The following SLC43A2 variants were observed in gnomAD, a reference collection of about 807,000 sequenced individuals.
SLC43A2 encodes large neutral amino acids transporter small subunit 4.
Under a neutral mutation model 63.2 loss-of-function variants are expected in SLC43A2, and 38 were observed. That is an observed-to-expected ratio of 0.60 (90% CI 0.46 to 0.79). The LOEUF is 0.79. SLC43A2 is among the 30% of genes least tolerant of loss of function. The pLI is 0.00. For missense variants in SLC43A2, 644 were observed against 756.2 expected, an observed-to-expected ratio of 0.85 and a Z score of 1.74; for synonymous variants, 322 against 331.0, an observed-to-expected ratio of 0.97 and a Z score of 0.30.
intron 5 of SLC43A2, among the ~76,000 whole-genome samples, chr17:1,598,118 G>A (rs1598463015): frequency 1.3e-5 from 2 of 151,946 alleles, no homozygotes; most frequent in African/African-American, 4.8e-5. Flanking sequence ...CACAGCCGGC[G>A]CAAAGAAAGA....
upstream of SLC43A2, among the ~76,000 whole-genome samples, chr17:1,629,597 AGACT>A (rs758465389): frequency 2.7e-4 from 41 of 152,296 alleles, no homozygotes; most frequent in South Asian, 6.2e-4. Flanking sequence ...TCCCCCCATC[AGACT>A]GACCTTTCTC....
At position 1,583,057 on chromosome 17, in the gene SLC43A2, C is replaced by CTGG; in HGVS notation, c.1350+146_1350+147insCCA. The CTGG allele has an allele frequency of 1.1e-6, 1 of 879,050 alleles. No individual in the cohort carries two copies. Among genetic ancestry groups the CTGG allele is most frequent in the Non-Finnish European group, 1.7e-6 (1 of 580,104 alleles). 54.5% of individuals were successfully genotyped at this position (879,050 alleles called of 1,614,324 possible). A position where few individuals can be genotyped will look rare whatever the true frequency, so the allele number is the denominator to read the frequency against. ...TCACACCACTGCACTCCAGCCTGAG[C>CTGG]AACAGAGTTTGACTCTGTCTCAAAA... is the stretch of plus-strand genomic sequence containing the variant. On this transcript the variant is annotated intron_variant, in intron 11 of 13. Coordinates refer to ENST00000301335, the MANE Select transcript of SLC43A2 (RefSeq NM_152346.3). The surrounding 1 kb of genome is among the most constrained non-coding windows in gnomAD (Gnocchi z 5.5).
chr17:1,597,188 G>A (rs972372511), intron 5 of SLC43A2, among the ~76,000 whole-genome samples: 29 of 149,698 alleles, frequency 1.9e-4, no homozygotes, highest in African/African-American at 7.2e-4. Context: ...ACTCCAGCCT[G>A]CGCAACAGAG....
intron 2 of SLC43A2, among the ~76,000 whole-genome samples, chr17:1,619,892 G>A (rs936276385): frequency 6.6e-6 from 1 of 152,200 alleles, no homozygotes; most frequent in Admixed American, 6.5e-5. Flanking sequence ...TGGAATAACT[G>A]AGGGCTTGGG....
In SLC43A2 at chr17:1,590,899, G is replaced by A; in HGVS notation, c.981C>T (p.Ser327=). 1 of 1,552,418 alleles carries A rather than the reference G, an allele frequency of 6.4e-7. No homozygotes were observed. The highest frequency in any genetic ancestry group is 8.7e-7 in the Non-Finnish European group (1 of 1,147,464). The part of the protein sequence containing the change: ...HSVFSPILLL[S]LVTMCVTQLR... Reference sequence around the variant, plus strand: ...GCTGCGTGACGCACATGGTGACCAGGCTGAGCAGCAGGATGGGGCTGAACA... The same window carrying A: ...GCTGCGTGACGCACATGGTGACCAGACTGAGCAGCAGGATGGGGCTGAACA... The change falls in exon 9 of 14, where the codon AGC becomes AGT. Residue 327 remains serine, a synonymous_variant. Transcript: ENST00000301335.
rs1441709622 is a variant in SLC43A2 at position 1,575,475 on chromosome 17, G to A, written c.*129C>T. 19 of 1,242,346 alleles carry A rather than the reference G, an allele frequency of 1.5e-5. No individual in the cohort carries two copies. Among genetic ancestry groups the A allele is most frequent in the Admixed American group, 1.2e-4 (6 of 51,764 alleles). The allele number at this position is 1,242,346 out of a possible 1,614,324, so 77.0% of individuals were successfully genotyped here. A position where few individuals can be genotyped will look rare whatever the true frequency, so the allele number is the denominator to read the frequency against. On this transcript the variant is annotated 3_prime_UTR_variant, in exon 14 of 14. Coordinates refer to ENST00000301335, the MANE Select transcript of SLC43A2 (RefSeq NM_152346.3). Reference sequence around the variant, plus strand: ...CCACAGAGCTCCGAGGCAGGGCCCCGGGAGGGAGCGTGAACGCTGGCACGG... The same window carrying A: ...CCACAGAGCTCCGAGGCAGGGCCCCAGGAGGGAGCGTGAACGCTGGCACGG...
intron 11 of SLC43A2, among the ~76,000 whole-genome samples, chr17:1,581,390 C>T (rs1396313753): frequency 6.6e-6 from 1 of 152,316 alleles, no homozygotes; most frequent in African/African-American, 2.4e-5. Flanking sequence ...GAAAGCAGCC[C>T]AGGAGGCCAG....
At chr17:1,598,021 C>A (rs918791436) in intron 5 of SLC43A2, among the ~76,000 whole-genome samples, 8 of 152,200 alleles carry the variant, frequency 5.3e-5, no homozygotes, top group African/African-American at 1.9e-4. Flanking sequence ...GCAAAGGCAT[C>A]TCCGTGGCCA....
At position 1,622,943 on chromosome 17, in the gene SLC43A2, A is replaced by G. The variant is rs191237122; in HGVS notation, c.160+4772T>C. 4.0e-5 allele frequency among the ~76,000 whole-genome samples: 6 copies of G among 151,160 alleles called. No homozygotes were observed. The East Asian group carries it at 1.2e-3, about 29-fold the overall frequency. On this transcript the variant is annotated intron_variant, in intron 2 of 13. Transcript: ENST00000301335. Reference sequence around the variant, plus strand: ...AAATAAAATAAAATAAAATACAAATACAAATACAAAAAATTAGCCGGGTAT... The same window carrying G: ...AAATAAAATAAAATAAAATACAAATGCAAATACAAAAAATTAGCCGGGTAT...
At chr17:1,602,182 A>T (rs1304356824) in intron 5 of SLC43A2, among the ~76,000 whole-genome samples, 1 of 152,078 alleles carries the variant, frequency 6.6e-6, no homozygotes, top group East Asian at 1.9e-4. Context: ...TGTTTTAATT[A>T]TTTTTATAGA....
intron 13 of SLC43A2, among the ~76,000 whole-genome samples, chr17:1,576,329 C>A (rs1387655232): frequency 6.6e-6 from 1 of 152,088 alleles, no homozygotes; most frequent in East Asian, 1.9e-4. Flanking sequence ...AGTGATGCTC[C>A]CGCCTCGGCC....
intron 5 of SLC43A2, among the ~76,000 whole-genome samples, chr17:1,597,184 G>C (rs1332522543): frequency 1.3e-5 from 2 of 150,602 alleles, no homozygotes; most frequent in Non-Finnish European, 2.9e-5. Context: ...CTGCACTCCA[G>C]CCTGCGCAAC....
intron 5 of SLC43A2, among the ~76,000 whole-genome samples, chr17:1,612,182 T>C (rs1238564151): frequency 6.6e-6 from 1 of 152,166 alleles, no homozygotes; most frequent in Non-Finnish European, 1.5e-5. Context: ...CAGGCTGGTC[T>C]CAAACTCCTG....
chr17:1,591,537 G>A (rs544239245), intron 7 of SLC43A2, 29 bp downstream of exon 7: 2 of 1,583,082 alleles, frequency 1.3e-6, no homozygotes, highest in African/African-American at 1.3e-5. Flanking sequence ...GGGGCTGGGG[G>A]CAGGCGGGAC....
chr17:1,590,169 C>T (rs997270362), intron 9 of SLC43A2, among the ~76,000 whole-genome samples: 9 of 152,138 alleles, frequency 5.9e-5, no homozygotes, highest in Non-Finnish European at 1.2e-4. Flanking sequence ...GCTCAGGCCC[C>T]GGGGAAGTCC....
intron 2 of SLC43A2, 30 bp downstream of exon 2, chr17:1,627,662 CTCCCAAAGCCCCAGCTCCAGGAG>C: frequency 6.5e-6 from 6 of 917,970 alleles, no homozygotes; most frequent in Admixed American, 3.5e-5. Flanking sequence ...ATCCCGCCCC[CTCCCAAAGCCCCAGCTCCAGGAG>C]CCCCCCGCAA....
chr17:1,615,812 T>C (rs9709222), intron 3 of SLC43A2, among the ~76,000 whole-genome samples: 110,574 of 142,670 alleles, frequency 0.78, 43,049 homozygotes, highest in East Asian at 0.96. Context: ...CGCTGCACTC[T>C]AGCCTGGGCG....
intron 2 of SLC43A2, among the ~76,000 whole-genome samples, chr17:1,617,773 T>C (rs1001464081): frequency 8.6e-5 from 13 of 152,028 alleles, no homozygotes; most frequent in African/African-American, 3.1e-4. Flanking sequence ...GGGTGCTGAG[T>C]CTGGTGTGTT....
intron 2 of SLC43A2, among the ~76,000 whole-genome samples, chr17:1,621,198 G>A (rs1250198821): frequency 2.0e-5 from 3 of 152,172 alleles, no homozygotes; most frequent in Non-Finnish European, 4.4e-5. Context: ...GAGAAAAGAG[G>A]GTGCTGTGGC....
Sources: gnomAD v4.1 joint callset for allele counts (sites outside exome capture counted in the v4.1 genomes callset) on GRCh38, gnomAD v4.1.1 for gene constraint, Gnocchi (gnomAD v3.1) non-coding constraint, MANE v1.5 for transcripts, NCBI Gene and HGNC (gene_info 2026-07-23, HGNC 2026-07-21) for gene names.